Variants in NOL8 observed in about 807,000 individuals in gnomAD.
NOL8 encodes the protein nucleolar protein Nop132.
Under a neutral mutation model 116.1 loss-of-function variants are expected in NOL8, and 93 were observed. The observed-to-expected ratio is 0.80, with a 90% CI of 0.68 to 0.95. The LOEUF (loss-of-function observed/expected upper bound fraction) is 0.95, where lower values mean the gene tolerates loss of function less well. Among genes scored for constraint, NOL8 ranks in the 40% least tolerant of loss-of-function variants. The pLI, the probability that NOL8 is intolerant of heterozygous loss-of-function variation, is 0.00. For synonymous variants in NOL8, 419 were observed against 469.0 expected (o/e 0.89, Z 1.38); for missense variants, 1,291 against 1,382.8 (o/e 0.93, Z 1.05).
chr9:92,312,446 TAAAAAAAAAAAAA>T lies in NOL8; in HGVS notation c.2359-1200_2359-1188del, dbSNP rs34116665. On this transcript the variant is annotated intron_variant, in intron 7 of 16. Coordinates refer to ENST00000442668, the MANE Select transcript of NOL8 (RefSeq NM_017948.6). ...CCCAGGGTGACAGAGTGAGACCCTGTAAAAAAAAAAAAAAAAAAAAAAAAAAGAACAATCAACA... is the reference window on the plus strand; with the variant it reads ...CCCAGGGTGACAGAGTGAGACCCTGTAAAAAAAAAAAAAGAACAATCAACA... Among the ~76,000 whole-genome samples, 34 of 57,562 alleles carry T rather than the reference TAAAAAAAAAAAAA, an allele frequency of 5.9e-4. No homozygotes were observed. The East Asian group carries it at 0.014, about 23-fold the overall frequency. The allele number at this position is 57,562 out of a possible 152,430, so 37.8% of individuals were successfully genotyped here.
intron 7 of NOL8, among the ~76,000 whole-genome samples, chr9:92,313,886 G>T (rs1357604446): frequency 6.6e-6 from 1 of 152,164 alleles, no homozygotes; most frequent in African/African-American, 2.4e-5. Context: ...TGTATGAAAG[G>T]CAAGATCACC....
intron 12 of NOL8, among the ~76,000 whole-genome samples, chr9:92,305,101 A>T (rs951547949): frequency 5.9e-5 from 9 of 151,984 alleles, no homozygotes; most frequent in African/African-American, 2.2e-4. Flanking sequence ...GAATGTTAAC[A>T]TTATTTAGAT....
chr9:92,315,862 G>A lies in NOL8; in HGVS notation c.763C>T (p.Gln255Ter), dbSNP rs1342260908. 3.1e-6 allele frequency: 5 copies of A among 1,613,836 alleles called. No homozygotes were observed. Among genetic ancestry groups the A allele is most frequent in the Non-Finnish European group, 4.2e-6 (5 of 1,179,856 alleles). ...GTAATGGAATCACAAGTTCTTTTTT[G>A]TGCAGCCTGTTGCTGTGTTAAGGGT... ...RPPLTQQQAA[Q>*]KRTCDSITPS... is the part of the protein sequence containing the mutation. The change falls in exon 7 of 17, where the codon CAA (glutamine) becomes TAA (stop). Residue 255 changes from glutamine to a stop codon, truncating the protein, a stop_gained. Transcript: ENST00000442668. LOFTEE classifies it high-confidence loss of function.
Position 92,315,802 on chromosome 9 carries a change from T to A in NOL8, c.823A>T (p.Thr275Ser). 6.2e-7 allele frequency: 1 copy of A among 1,613,730 alleles called. No individual in the cohort carries two copies. The highest frequency in any genetic ancestry group is 2.2e-5 in the East Asian group (1 of 44,874). ...SKSSPVPVSDTQKLKNLPFKT... is the reference protein window; with the variant it reads ...SKSSPVPVSDSQKLKNLPFKT... ...AAAGGTAGATTTTTAAGTTTCTGAG[T>A]ATCAGAAACAGGTACAGGAGATGAT... The change falls in exon 7 of 17, where the codon ACT becomes TCT. Residue 275 changes from threonine (T) to serine (S), a missense_variant. Transcript: ENST00000442668.
chr9:92,313,826 C>T (rs569659227), intron 7 of NOL8, among the ~76,000 whole-genome samples: 2 of 152,290 alleles, frequency 1.3e-5, no homozygotes, highest in South Asian at 4.1e-4. Flanking sequence ...CCTCCTGGCC[C>T]TGTGTAACTG....
At chr9:92,316,245 T>C (rs112335150) in intron 6 of NOL8, 107 bp from the exon 7 acceptor site, 5 of 1,227,504 alleles carry the variant, frequency 4.1e-6, no homozygotes, top group Admixed American at 5.7e-5. Flanking sequence ...TTCCCCCCCC[T>C]TTCAGTTTCC....
Position 92,321,736 on chromosome 9 carries a change from AAC to A in NOL8, c.211_212del (p.Val71PhefsTer3), listed in dbSNP as rs1390158107. On this transcript the variant is annotated frameshift_variant, in exon 4 of 17. Coordinates refer to ENST00000442668, the MANE Select transcript of NOL8 (RefSeq NM_017948.6). LOFTEE classifies it high-confidence loss of function. Reference protein sequence around the residue: ...AEADLKKCMSVLNKTKWKGGT... With the variant: ...AEADLKKCMSXLNKTKWKGGT... Reference sequence around the variant, plus strand: ...CACCTTTCCATTTTGTTTTATTTAAAACAGACATACCTATAAAGTAAAGAATT... The same window carrying A: ...CACCTTTCCATTTTGTTTTATTTAAAAGACATACCTATAAAGTAAAGAATT... The A allele has an allele frequency of 2.8e-6, 4 of 1,442,870 alleles. No individual in the cohort carries two copies. Among genetic ancestry groups the A allele is most frequent in the Non-Finnish European group, 3.8e-6 (4 of 1,064,672 alleles). 89.4% of individuals were successfully genotyped at this position (1,442,870 alleles called of 1,614,324 possible).
chr9:92,323,313 C>T, intron 3 of NOL8, 128 bp downstream of exon 3: 1 of 1,539,898 alleles, frequency 6.5e-7, no homozygotes, highest in Non-Finnish European at 8.7e-7. Flanking sequence ...CTGGAATTCT[C>T]TTCATCACTG....
At position 92,315,027 on chromosome 9, in the gene NOL8, C is replaced by T. The variant is rs553305301; in HGVS notation, c.1598G>A (p.Arg533His). The change falls in exon 7 of 17, where the codon CGC becomes CAC. Residue 533 changes from arginine to histidine, a missense_variant. Coordinates refer to ENST00000442668, the MANE Select transcript of NOL8 (RefSeq NM_017948.6). ...SKSPKTPTGL[R>H]RGRQCIRPAE... ...AGGACGAATACACTGTCGGCCTCTG[C>T]GGAGGCCAGTGGGAGTCTTGGGGCT... is the stretch of plus-strand genomic sequence containing the variant. The T allele has an allele frequency of 1.1e-5, 18 of 1,613,940 alleles. No homozygotes were observed. Among genetic ancestry groups the T allele is most frequent in the African/African-American group, 8.0e-5 (6 of 74,942 alleles).
chr9:92,318,509 C>T lies in NOL8; in HGVS notation c.486+109G>A, dbSNP rs182364981. The stretch of plus-strand genomic sequence containing the variant: ...GGTGAGTACCAAGAAACTGGGAACA[C>T]GCAAACAAACACCTAAAGATTCACT... On this transcript the variant is annotated intron_variant, in intron 6 of 16. Coordinates refer to ENST00000442668, the MANE Select transcript of NOL8 (RefSeq NM_017948.6). The T allele has an allele frequency of 1.2e-4, 98 of 786,070 alleles. No individual in the cohort carries two copies. The African/African-American group carries it at 1.3e-3, about 11-fold the overall frequency. The allele number at this position is 786,070 out of a possible 1,614,324, so 48.7% of individuals were successfully genotyped here.
intron 13 of NOL8, chr9:92,300,568 C>T: frequency 1.0e-6 from 1 of 995,398 alleles, no homozygotes; most frequent in African/African-American, 1.7e-5. Context: ...GTCTTTAGGA[C>T]TCGTTTCAAG....
Position 92,315,754 on chromosome 9 carries a change from C to T in NOL8, c.871G>A (p.Ala291Thr), listed in dbSNP as rs1426787411. 6.2e-7 allele frequency: 1 copy of T among 1,613,468 alleles called. No homozygotes were observed. The highest frequency in any genetic ancestry group is 8.5e-7 in the Non-Finnish European group (1 of 1,179,638). ...TCAGAAATGCTGTTTCTCTTCTTGG[C>T]AGTTTCCAAGCCAGAAGTCTTAAAA... ...LPFKTSGLET[A>T]KKRNSISDDD... The change falls in exon 7 of 17, where the codon GCC (alanine) becomes ACC (threonine). Residue 291 changes from alanine (A) to threonine (T), a missense_variant. Physicochemically the swap from Ala to Thr is moderately conservative, Grantham distance 58 (BLOSUM62 0). Coordinates refer to ENST00000442668, the MANE Select transcript of NOL8 (RefSeq NM_017948.6).
chr9:92,315,208 C>T lies in NOL8; in HGVS notation c.1417G>A (p.Glu473Lys), dbSNP rs765646222. ...CAGTTTTTCATCATGGCATTATACT[C>T]CTCACCTCCTTCAGAGTCAGCTAAT... ...SELADSEGGEEYNAMMKNCLR... is the reference protein window; with the variant it reads ...SELADSEGGEKYNAMMKNCLR... The change falls in exon 7 of 17, where the codon GAG becomes AAG. Residue 473 changes from glutamate (E) to lysine (K), a missense_variant. Physicochemically the swap from Glu to Lys is moderately conservative, Grantham distance 56. Coordinates refer to ENST00000442668, the MANE Select transcript of NOL8 (RefSeq NM_017948.6). The T allele has an allele frequency of 1.2e-6, 2 of 1,613,960 alleles. No individual in the cohort carries two copies. The highest frequency in any genetic ancestry group is 2.7e-5 in the African/African-American group (2 of 75,042).
At chr9:92,301,123 T>C (rs1158153491) in intron 13 of NOL8, among the ~76,000 whole-genome samples, 1 of 152,236 alleles carries the variant, frequency 6.6e-6, no homozygotes, top group African/African-American at 2.4e-5. Flanking sequence ...GTGCAATAAC[T>C]GGCATATTGA....
chr9:92,300,399 CTATT>C (rs1837635830), intron 13 of NOL8: 5 of 988,550 alleles, frequency 5.1e-6, no homozygotes, highest in African/African-American at 1.7e-5. Flanking sequence ...TCCCTCTTGT[CTATT>C]TATAAATGAG....
At chr9:92,302,335 A>T (rs1230662770) in intron 12 of NOL8, among the ~76,000 whole-genome samples, 2 of 152,224 alleles carry the variant, frequency 1.3e-5, no homozygotes, top group Non-Finnish European at 2.9e-5. Context: ...TTTAGGAATG[A>T]ATATGCTTTT....
Position 92,301,753 on chromosome 9 carries a change from A to G in NOL8, c.2973T>C (p.Tyr991=). The G allele has an allele frequency of 1.2e-6, 2 of 1,603,026 alleles. No homozygotes were observed. The highest frequency in any genetic ancestry group is 1.3e-5 in the African/African-American group (1 of 74,492). Reference sequence around the variant, plus strand: ...TTTCTTTCAGATCCATAGCAATATTATAATACATTTCTTTAGACACCTCAG... The same window carrying G: ...TTTCTTTCAGATCCATAGCAATATTGTAATACATTTCTTTAGACACCTCAG... ...KLPEVSKEMY[Y]NIAMDLKEIF... The change falls in exon 13 of 17, where the codon TAT becomes TAC. Residue 991 remains tyrosine, a synonymous_variant. Coordinates refer to ENST00000442668, the MANE Select transcript of NOL8 (RefSeq NM_017948.6).
In NOL8 at chr9:92,315,532, T is replaced by C; in HGVS notation, c.1093A>G (p.Ser365Gly). The change falls in exon 7 of 17, where the codon AGT (serine) becomes GGT (glycine). Residue 365 changes from serine (S) to glycine (G), a missense_variant. Transcript: ENST00000442668. ...TCATTTCTCATAATATCATCATCAC[T>C]ATCATGGCAAGAGACACGATTTTTG... ...GIKNRVSCHD[S>G]DDDIMRNDRE... The C allele has an allele frequency of 6.2e-7, 1 of 1,611,770 alleles. No homozygotes were observed. Among genetic ancestry groups the C allele is most frequent in the Non-Finnish European group, 8.5e-7 (1 of 1,178,988 alleles).
At chr9:92,298,216 A>C in intron 16 of NOL8, 41 bp downstream of exon 16, 1 of 1,434,362 alleles carries the variant, frequency 7.0e-7, no homozygotes, top group Non-Finnish European at 9.7e-7. Context: ...GATAGGTAAC[A>C]TGTCTATTTT....
Sources: allele counts gnomAD v4.1 joint callset (sites outside exome capture counted in the v4.1 genomes callset), GRCh38; gene constraint gnomAD v4.1.1; transcripts MANE v1.5; gene names NCBI Gene and HGNC (gene_info 2026-07-23, HGNC 2026-07-21).